Variants in HACE1 observed in about 807,000 individuals in gnomAD.
The protein encoded by HACE1 is E3 ubiquitin-protein ligase HACE1.
HACE1 carries 73 observed loss-of-function variants against 118.4 expected under a neutral mutation model. The observed-to-expected ratio is 0.62, with a 90% CI of 0.51 to 0.75. The LOEUF (loss-of-function observed/expected upper bound fraction) is 0.75. HACE1 is among the 30% of genes least tolerant of loss of function. The pLI is 0.00. For missense variants in HACE1, 749 were observed against 1,102.2 expected (o/e 0.68, Z 4.54); for synonymous variants, 368 against 374.8 (o/e 0.98, Z 0.21).
intron 7 of HACE1, 140 bp from the exon 8 acceptor site, chr6:104,797,165 T>A (rs1269698626): frequency 1.2e-5 from 7 of 594,218 alleles, no homozygotes; most frequent in African/African-American, 1.0e-4. Context: ...ATCTTCATAA[T>A]CACAAAAACT....
intron 7 of HACE1, among the ~76,000 whole-genome samples, chr6:104,807,354 A>C (rs1771124196): frequency 6.6e-6 from 1 of 152,054 alleles, no homozygotes; most frequent in South Asian, 2.1e-4. Flanking sequence ...GGCTACTTTG[A>C]TTTTGAATAC....
chr6:104,773,280 G>C (rs533623947), intron 17 of HACE1, among the ~76,000 whole-genome samples: 2 of 151,898 alleles, frequency 1.3e-5, no homozygotes, highest in East Asian at 3.9e-4. Context: ...AAAAACAAAA[G>C]GTAGAAATGT....
intron 4 of HACE1, chr6:104,845,928 G>A (rs1359579077): frequency 2.6e-5 from 4 of 152,180 alleles, no homozygotes; most frequent in Non-Finnish European, 5.9e-5. Context: ...ATGTGTGATC[G>A]TGTGTCTATA....
intron 22 of HACE1, among the ~76,000 whole-genome samples, chr6:104,738,698 G>T (rs1465008925): frequency 1.3e-5 from 2 of 149,654 alleles, no homozygotes; most frequent in African/African-American, 2.5e-5. Context: ...CTGATTGGTG[G>T]ACCTGAAAGT....
At chr6:104,772,132 T>C (rs1780689015) in intron 17 of HACE1, 58 bp from the exon 18 acceptor site, 1 of 964,554 alleles carries the variant, frequency 1.0e-6, no homozygotes, top group Admixed American at 1.9e-5. Context: ...GAAGAAAGAT[T>C]ACTTCGATGC....
chr6:104,762,770 C>T (rs964893271), intron 19 of HACE1, among the ~76,000 whole-genome samples: 2 of 151,938 alleles, frequency 1.3e-5, no homozygotes, highest in African/African-American at 2.4e-5. Flanking sequence ...GCAGGCAGAT[C>T]ACGAGGTCAG....
chr6:104,769,819 G>A (rs1281575554), intron 19 of HACE1, among the ~76,000 whole-genome samples: 2 of 152,046 alleles, frequency 1.3e-5, no homozygotes, highest in African/African-American at 2.4e-5. Flanking sequence ...CTCAACTCCT[G>A]ACTTTATTTC....
intron 5 of HACE1, among the ~76,000 whole-genome samples, chr6:104,837,636 T>C (rs1774675791): frequency 6.6e-6 from 1 of 152,142 alleles, no homozygotes; most frequent in Non-Finnish European, 1.5e-5. Flanking sequence ...AACTGATCAA[T>C]TTGACTTCAA....
intron 22 of HACE1, among the ~76,000 whole-genome samples, chr6:104,742,925 A>G (rs1309489725): frequency 5.3e-5 from 8 of 152,030 alleles, no homozygotes; most frequent in Admixed American, 5.2e-4. Context: ...ATGTCCAACA[A>G]TGATAGACTG....
chr6:104,834,184 G>C (rs1000933745), intron 5 of HACE1, among the ~76,000 whole-genome samples: 1 of 151,932 alleles, frequency 6.6e-6, no homozygotes, highest in Non-Finnish European at 1.5e-5. Context: ...ACTCATAATG[G>C]TTCAAAACAG....
At chr6:104,828,770 G>A (rs893564044) in intron 6 of HACE1, among the ~76,000 whole-genome samples, 2 of 151,888 alleles carry the variant, frequency 1.3e-5, no homozygotes, top group Non-Finnish European at 2.9e-5. Context: ...GATTACTCAA[G>A]TTCTTAGTTA....
chr6:104,771,051 T>C (rs1780548670), intron 19 of HACE1, 142 bp downstream of exon 19: 1 of 641,684 alleles, frequency 1.6e-6, no homozygotes, highest in South Asian at 1.9e-5. Context: ...CATTTGATTG[T>C]TTTATTAACT....
intron 6 of HACE1, among the ~76,000 whole-genome samples, chr6:104,818,659 C>CA (rs2115005330): frequency 6.6e-6 from 1 of 152,120 alleles, no homozygotes; most frequent in South Asian, 2.1e-4. Context: ...CAGAATCCAG[C>CA]AGCACATCAA....
intron 6 of HACE1, among the ~76,000 whole-genome samples, chr6:104,829,150 G>A (rs1321870321): frequency 6.6e-6 from 1 of 152,018 alleles, no homozygotes; most frequent in Non-Finnish European, 1.5e-5. Context: ...ACTGGTATAT[G>A]TCTACATGGA....
intron 10 of HACE1, among the ~76,000 whole-genome samples, chr6:104,793,191 C>T (rs973447526): frequency 6.8e-6 from 1 of 146,630 alleles, no homozygotes; most frequent in Non-Finnish European, 1.5e-5. Context: ...GGCATGAACC[C>T]GGGAGGTGGA....
intron 7 of HACE1, among the ~76,000 whole-genome samples, chr6:104,804,290 C>A (rs7749815): frequency 1.3e-4 from 19 of 149,128 alleles, no homozygotes; most frequent in South Asian, 4.2e-4. Flanking sequence ...CCATACTGCC[C>A]AAGGTAATTT....
Position 104,793,631 on chromosome 6 carries a change from T to C in HACE1, c.923+1948A>G, listed in dbSNP as rs148632431. Among the ~76,000 whole-genome samples the C allele has an allele frequency of 1.3e-3, 195 of 152,296 alleles. 1 individual carries two copies. Among genetic ancestry groups the C allele is most frequent in the African/African-American group, 4.4e-3 (182 of 41,572 alleles). ...ATATTTGAATCAGTTATTTTCTTAA[T>C]GAAAATTTCTATTAAAACAAGGGTC... On this transcript the variant is annotated intron_variant, in intron 10 of 23. Transcript: ENST00000262903.
At chr6:104,743,314 AT>A (rs1435719288) in intron 22 of HACE1, among the ~76,000 whole-genome samples, 1 of 148,550 alleles carries the variant, frequency 6.7e-6, no homozygotes, top group Admixed American at 6.8e-5. Context: ...AAGTATAATA[AT>A]AAAAAAAAAT....
chr6:104,859,642 T>TCCTCGGCGCGC lies in HACE1; in HGVS notation c.-11_-1dup. 6.5e-7 allele frequency: 1 copy of TCCTCGGCGCGC among 1,532,084 alleles called. No individual in the cohort carries two copies. Among genetic ancestry groups the TCCTCGGCGCGC allele is most frequent in the South Asian group, 1.2e-5 (1 of 82,844 alleles). The allele number at this position is 1,532,084 out of a possible 1,614,324, so 94.9% of individuals were successfully genotyped here. On this transcript the variant is annotated 5_prime_UTR_variant, in exon 1 of 24. Coordinates refer to ENST00000262903, the MANE Select transcript of HACE1 (RefSeq NM_020771.4). ...TTGAGTTGCTCCATCGCTCTCTCCA[T>TCCTCGGCGCGC]CCTCGGCGCGCCCTCCGCGATCCTC... is the stretch of plus-strand genomic sequence containing the variant.
Sources: gnomAD v4.1 joint callset for allele counts (sites outside exome capture counted in the v4.1 genomes callset) on GRCh38, gnomAD v4.1.1 for gene constraint, MANE v1.5 for transcripts, NCBI Gene and HGNC (gene_info 2026-07-23, HGNC 2026-07-21) for gene names.